GNAQ: variants seen among roughly 807,000 people sequenced by gnomAD.
The protein encoded by GNAQ is G protein subunit alpha q, also known as guanine nucleotide-binding protein G(q) subunit alpha.
GNAQ carries 8 observed loss-of-function variants against 43.9 expected under a neutral mutation model. The ratio of observed to expected loss-of-function variants is 0.18; its 90% CI spans 0.11 to 0.33. GNAQ has a LOEUF of 0.33. Among genes scored for constraint, GNAQ ranks in the 10% least tolerant of loss-of-function variants. The pLI, the probability that GNAQ is intolerant of heterozygous loss-of-function variation, is 1.00. For missense variants in GNAQ, 158 were observed against 450.8 expected (o/e 0.35, Z 5.88); for synonymous variants, 155 against 170.7 (o/e 0.91, Z 0.71).
chr9:77,728,088 G>A (rs113276237), intron 6 of GNAQ, among the ~76,000 whole-genome samples: 1 of 151,836 alleles, frequency 6.6e-6, no homozygotes, highest in Non-Finnish European at 1.5e-5. Flanking sequence ...TCCGCCTCCC[G>A]GGTTCAAGCA....
chr9:77,908,931 G>A (rs530759987), intron 2 of GNAQ, among the ~76,000 whole-genome samples: 55 of 152,274 alleles, frequency 3.6e-4, no homozygotes, highest in African/African-American at 1.2e-3. Flanking sequence ...CAATACTCTA[G>A]AACACAAAAT....
At chr9:77,856,845 A>G (rs572001940) in intron 2 of GNAQ, among the ~76,000 whole-genome samples, 1 of 152,344 alleles carries the variant, frequency 6.6e-6, no homozygotes, top group South Asian at 2.1e-4. Flanking sequence ...GTATCATGAA[A>G]TAAGTAAGAG....
In GNAQ at chr9:77,721,493, C is replaced by T. The variant is rs376987002; in HGVS notation, c.910G>A (p.Ala304Thr). The T allele has an allele frequency of 6.2e-7, 1 of 1,610,824 alleles. No homozygotes were observed. Among genetic ancestry groups the T allele is most frequent in the East Asian group, 2.2e-5 (1 of 44,824 alleles). ...ATCTTCAGAATGAATTCTCGGGCTGCCTGGGCATCTCTCTGGGGTCCTTTC... is the reference window on the plus strand; with the variant it reads ...ATCTTCAGAATGAATTCTCGGGCTGTCTGGGCATCTCTCTGGGGTCCTTTC... ...EYDGPQRDAQ[A>T]AREFILKMFV... Residue 304 changes from alanine to threonine, a missense_variant, in exon 7 of 7, where the codon GCA becomes ACA. Physicochemically the swap from Ala to Thr is moderately conservative, Grantham distance 58. Transcript: ENST00000286548.
At chr9:77,924,378 G>A (rs1829039454) in intron 1 of GNAQ, among the ~76,000 whole-genome samples, 1 of 152,050 alleles carries the variant, frequency 6.6e-6, no homozygotes, top group Non-Finnish European at 1.5e-5. Flanking sequence ...AATCCCGATT[G>A]TTTCTTTATT....
intron 5 of GNAQ, among the ~76,000 whole-genome samples, chr9:77,773,167 C>A (rs893379567): frequency 2.0e-5 from 3 of 152,104 alleles, no homozygotes; most frequent in Non-Finnish European, 2.9e-5. Context: ...CTTTATTTTT[C>A]AGCACTTACA....
chr9:77,749,671 A>T (rs1457489878), intron 5 of GNAQ, among the ~76,000 whole-genome samples: 1 of 152,214 alleles, frequency 6.6e-6, no homozygotes, highest in East Asian at 1.9e-4. Flanking sequence ...ATGTTTTCAA[A>T]CTAATGATAA....
chr9:77,774,622 A>G (rs2118382073), intron 5 of GNAQ, among the ~76,000 whole-genome samples: 1 of 152,198 alleles, frequency 6.6e-6, no homozygotes, highest in East Asian at 1.9e-4. Flanking sequence ...CCACATGCCC[A>G]GCAAATTTCT....
At chr9:77,988,735 A>G (rs1203509070) in intron 1 of GNAQ, among the ~76,000 whole-genome samples, 1 of 152,300 alleles carries the variant, frequency 6.6e-6, no homozygotes, top group Middle Eastern at 3.4e-3. Context: ...TGTCAAACAC[A>G]TGTTATAAAA....
chr9:77,791,503 T>C (rs918968262), intron 5 of GNAQ, among the ~76,000 whole-genome samples: 2 of 152,082 alleles, frequency 1.3e-5, no homozygotes, highest in African/African-American at 4.8e-5. Flanking sequence ...GTAAAGGGAA[T>C]ACGCAAATCA....
chr9:77,853,533 T>C (rs1351217574), intron 2 of GNAQ, among the ~76,000 whole-genome samples: 2 of 152,144 alleles, frequency 1.3e-5, no homozygotes, highest in East Asian at 1.9e-4. Flanking sequence ...GAAGCCATTC[T>C]CTTGACTAAG....
At chr9:77,935,372 T>C (rs1379701448) in intron 1 of GNAQ, among the ~76,000 whole-genome samples, 1 of 152,172 alleles carries the variant, frequency 6.6e-6, no homozygotes, top group Non-Finnish European at 1.5e-5. Context: ...AAATGGCTAT[T>C]TGGGAGAATC....
intron 1 of GNAQ, among the ~76,000 whole-genome samples, chr9:77,933,474 A>C (rs1829182708): frequency 6.6e-6 from 1 of 152,058 alleles, no homozygotes; most frequent in African/African-American, 2.4e-5. Context: ...TTGAAACCCC[A>C]TCTCTACTAA....
At chr9:77,987,219 T>C (rs1360919438) in intron 1 of GNAQ, among the ~76,000 whole-genome samples, 8 of 152,190 alleles carry the variant, frequency 5.3e-5, no homozygotes, top group Admixed American at 4.6e-4. Flanking sequence ...AGCAGCACCA[T>C]GCAGACTATA....
At chr9:77,884,046 T>C (rs2118078845) in intron 2 of GNAQ, among the ~76,000 whole-genome samples, 1 of 152,298 alleles carries the variant, frequency 6.6e-6, no homozygotes, top group African/African-American at 2.4e-5. Flanking sequence ...TAACTGCAGA[T>C]AAAATCTCAG....
intron 3 of GNAQ, among the ~76,000 whole-genome samples, chr9:77,807,699 T>A (rs189332133): frequency 1.5e-3 from 229 of 152,322 alleles, no homozygotes; most frequent in African/African-American, 5.3e-3. Flanking sequence ...ATTCAGAGCA[T>A]CAGAGTCTTA....
intron 2 of GNAQ, among the ~76,000 whole-genome samples, chr9:77,918,687 T>C (rs1828951791): frequency 6.6e-6 from 1 of 152,182 alleles, no homozygotes; most frequent in Admixed American, 6.5e-5. Flanking sequence ...TTCCTTCTTC[T>C]GATCATTTAT....
intron 2 of GNAQ, among the ~76,000 whole-genome samples, chr9:77,914,936 A>C (rs1209088695): frequency 6.6e-6 from 1 of 152,148 alleles, no homozygotes; most frequent in Non-Finnish European, 1.5e-5. Flanking sequence ...TTATCAAAGC[A>C]AATCTGTTGT....
intron 5 of GNAQ, among the ~76,000 whole-genome samples, chr9:77,763,411 C>T (rs973049667): frequency 2.0e-5 from 3 of 152,096 alleles, no homozygotes; most frequent in East Asian, 1.9e-4. Context: ...GGATCACTTG[C>T]GGCCAGGAAT....
chr9:77,885,127 C>G (rs1828281789), intron 2 of GNAQ, among the ~76,000 whole-genome samples: 1 of 152,080 alleles, frequency 6.6e-6, no homozygotes, highest in South Asian at 2.1e-4. Context: ...TGTCCCATAC[C>G]TTCATTTTGT....
Sources: allele counts gnomAD v4.1 joint callset (sites outside exome capture counted in the v4.1 genomes callset), GRCh38; gene constraint gnomAD v4.1.1; transcripts MANE v1.5; gene names NCBI Gene and HGNC (gene_info 2026-07-23, HGNC 2026-07-21).